FMN1: variants seen among roughly 807,000 people sequenced by gnomAD.
FMN1 encodes formin-1.
Under a neutral mutation model 132.4 loss-of-function variants are expected in FMN1, and 110 were observed. That is an observed-to-expected ratio of 0.83 (90% confidence interval 0.71 to 0.97). The LOEUF (loss-of-function observed/expected upper bound fraction) is 0.97. FMN1 is among the 50% of genes least tolerant of loss of function. The pLI, the probability that FMN1 is intolerant of heterozygous loss-of-function variation, is 0.00. For missense variants in FMN1, 1,792 were observed against 1,705.3 expected (o/e 1.05, Z -0.90); for synonymous variants, 722 against 651.7 (o/e 1.11, Z -1.64).
intron 4 of FMN1, among the ~76,000 whole-genome samples, chr15:33,117,179 C>G (rs2039960410): frequency 1.3e-5 from 2 of 151,960 alleles, no homozygotes; most frequent in Non-Finnish European, 2.9e-5. Flanking sequence ...ACAACTCTCA[C>G]GGAGTCCCCA....
At chr15:32,923,453 A>G (rs1260963765) in intron 10 of FMN1, among the ~76,000 whole-genome samples, 1 of 152,256 alleles carries the variant, frequency 6.6e-6, no homozygotes, top group East Asian at 1.9e-4. Flanking sequence ...TCTGGAATGC[A>G]TTACTAAACG....
intron 4 of FMN1, among the ~76,000 whole-genome samples, chr15:33,097,631 T>C (rs1051051339): frequency 6.6e-6 from 1 of 152,000 alleles, no homozygotes; most frequent in African/African-American, 2.4e-5. Context: ...GGAAAAATAG[T>C]GGGGAGGAGG....
At chr15:33,013,957 C>A (rs1259719657) in intron 6 of FMN1, among the ~76,000 whole-genome samples, 1 of 152,164 alleles carries the variant, frequency 6.6e-6, no homozygotes, top group Non-Finnish European at 1.5e-5. Flanking sequence ...ATGACTAATT[C>A]ATTAACAAAC....
chr15:33,128,355 T>C (rs1033608106), intron 4 of FMN1, among the ~76,000 whole-genome samples: 1 of 152,096 alleles, frequency 6.6e-6, no homozygotes, highest in Non-Finnish European at 1.5e-5. Context: ...TCCTTGACGA[T>C]CTCAAGGATT....
At chr15:33,011,412 A>T (rs345824) in intron 6 of FMN1, among the ~76,000 whole-genome samples, 5 of 151,958 alleles carry the variant, frequency 3.3e-5, no homozygotes, top group African/African-American at 7.2e-5. Context: ...ATAATCTATT[A>T]GAAGTCAATT....
At chr15:32,857,193 C>T in intron 16 of FMN1, 86 bp from the exon 17 acceptor site, 2 of 1,033,870 alleles carry the variant, frequency 1.9e-6, no homozygotes, top group South Asian at 1.3e-5. Context: ...ATGCACTTGG[C>T]TATCAATTGT....
In FMN1 at chr15:32,790,337, G is replaced by A. The variant is rs12594731; in HGVS notation, c.4130+8467C>T. On this transcript the variant is annotated intron_variant, in intron 19 of 20. Transcript: ENST00000616417. ...GAACTGCAAGATCACCTGAGCCCAG[G>A]AGTTTCTAAACTTGGCTGAAGGATC... is the stretch of plus-strand genomic sequence containing the variant. 0.015 allele frequency among the ~76,000 whole-genome samples: 2,347 copies of A among 152,336 alleles called. 125 individuals carry two copies. In the East Asian group the frequency reaches 0.17, roughly 11 times the overall value.
chr15:32,854,503 A>G (rs1439201001), intron 17 of FMN1, among the ~76,000 whole-genome samples: 1 of 152,140 alleles, frequency 6.6e-6, no homozygotes, highest in Non-Finnish European at 1.5e-5. Context: ...AATCTGTGTC[A>G]TATTTTGGCT....
intron 4 of FMN1, chr15:33,151,033 G>A (rs1964417945): frequency 8.5e-7 from 1 of 1,174,184 alleles, no homozygotes; most frequent in Non-Finnish European, 1.1e-6. Context: ...GGGCTTCCCA[G>A]CTGCAGGGAG....
chr15:33,061,810 C>T (rs1214696851), intron 6 of FMN1, among the ~76,000 whole-genome samples: 1 of 151,680 alleles, frequency 6.6e-6, no homozygotes, highest in Non-Finnish European at 1.5e-5. Context: ...AATTAATTAG[C>T]AATTTAGAAA....
chr15:33,102,416 A>C (rs143544673), intron 4 of FMN1, among the ~76,000 whole-genome samples: 156 of 152,246 alleles, frequency 1.0e-3, no homozygotes, highest in Middle Eastern at 3.4e-3. Flanking sequence ...TATTCTCATA[A>C]AACTAAATTT....
At chr15:32,869,718 A>G (rs1175178976) in intron 16 of FMN1, among the ~76,000 whole-genome samples, 1 of 152,172 alleles carries the variant, frequency 6.6e-6, no homozygotes, top group African/African-American at 2.4e-5. Context: ...ATGAACAGAG[A>G]AGAGCTGGTC....
chr15:33,085,962 G>A (rs889945514), intron 5 of FMN1, among the ~76,000 whole-genome samples: 10 of 152,152 alleles, frequency 6.6e-5, no homozygotes, highest in Admixed American at 3.9e-4. Flanking sequence ...TTGAAAGAGA[G>A]AGGAGGAGAC....
At chr15:33,052,496 C>T (rs34508278) in intron 6 of FMN1, among the ~76,000 whole-genome samples, 3,752 of 152,262 alleles carry the variant, frequency 0.025, 65 homozygotes, top group African/African-American at 0.03. Flanking sequence ...TGACACCAAC[C>T]AATTCTCCAA....
At chr15:33,115,991 G>A (rs1483794137) in intron 4 of FMN1, among the ~76,000 whole-genome samples, 1 of 152,116 alleles carries the variant, frequency 6.6e-6, no homozygotes, top group African/African-American at 2.4e-5. Flanking sequence ...TTTGGGCTGG[G>A]CTGAATTAAA....
chr15:33,186,855 C>G (rs2140354116), intron 2 of FMN1, among the ~76,000 whole-genome samples: 1 of 152,328 alleles, frequency 6.6e-6, no homozygotes. Context: ...CTGCATCAGG[C>G]TCACAGGTAT....
intron 6 of FMN1, among the ~76,000 whole-genome samples, chr15:33,016,865 C>T (rs889399164): frequency 5.3e-5 from 8 of 152,170 alleles, no homozygotes; most frequent in African/African-American, 1.9e-4. Flanking sequence ...AGCCATAGCC[C>T]AGTACTGTCT....
intron 12 of FMN1, among the ~76,000 whole-genome samples, chr15:32,903,908 G>C (rs1478955459): frequency 6.6e-6 from 1 of 152,066 alleles, no homozygotes; most frequent in Non-Finnish European, 1.5e-5. Context: ...TAAGCAGAAG[G>C]GTCTGCAACC....
intron 4 of FMN1, among the ~76,000 whole-genome samples, chr15:33,096,868 C>A (rs1032878041): frequency 2.6e-5 from 4 of 152,198 alleles, no homozygotes; most frequent in African/African-American, 9.7e-5. Context: ...TTCCAAAGTG[C>A]TGGGATTACA....
Sources: allele counts gnomAD v4.1 joint callset (sites outside exome capture counted in the v4.1 genomes callset), GRCh38; gene constraint gnomAD v4.1.1; transcripts MANE v1.5; gene names NCBI Gene and HGNC (gene_info 2026-07-23, HGNC 2026-07-21).